The following PREX1 variants were observed in gnomAD, a reference collection of about 807,000 sequenced individuals.
PREX1 encodes phosphatidylinositol 3,4,5-trisphosphate-dependent Rac exchanger 1 protein.
In PREX1, 41 loss-of-function variants were observed where a neutral mutation model predicts 198.3. The observed-to-expected ratio is 0.21, with a 90% CI of 0.16 to 0.27. The LOEUF is 0.27. PREX1 is among the 10% of genes least tolerant of loss of function. The pLI is 1.00. For synonymous variants in PREX1, 843 were observed against 887.2 expected (o/e 0.95, Z 0.89); for missense variants, 1,620 against 2,200.7 (o/e 0.74, Z 5.28).
chr20:48,681,901 T>A (rs1470197965), intron 10 of PREX1, among the ~76,000 whole-genome samples: 1 of 151,402 alleles, frequency 6.6e-6, no homozygotes, highest in African/African-American at 2.4e-5. Flanking sequence ...ACAGAAGGAA[T>A]GGACAAACAT....
At chr20:48,770,951 T>C (rs950297462) in intron 1 of PREX1, among the ~76,000 whole-genome samples, 6 of 152,244 alleles carry the variant, frequency 3.9e-5, no homozygotes, top group South Asian at 2.1e-4. Context: ...GTTAACATGC[T>C]TCCCCAGGCA....
upstream of PREX1, among the ~76,000 whole-genome samples, chr20:48,831,193 ACT>A (rs1368143648): frequency 2.0e-5 from 3 of 151,992 alleles, no homozygotes; most frequent in African/African-American, 7.3e-5. Flanking sequence ...TACGAAGAAG[ACT>A]CTGTCTCCTC....
Position 48,827,186 on chromosome 20 carries a change from C to T in PREX1, c.219+456G>A, listed in dbSNP as rs117021318. On this transcript the variant is annotated intron_variant, in intron 1 of 39. Transcript: ENST00000371941. The surrounding 1 kb of genome is among the most constrained non-coding windows in gnomAD (Gnocchi z 4.1). Reference sequence around the variant, plus strand: ...CCTCCTCTGAGCTTCAGGTTTTATCCTACTCCATCAACGCGCAGGGACGTT... The same window carrying T: ...CCTCCTCTGAGCTTCAGGTTTTATCTTACTCCATCAACGCGCAGGGACGTT... Among the ~76,000 whole-genome samples, 152 of 152,276 alleles carry T rather than the reference C, an allele frequency of 1.0e-3. 3 individuals carry two copies. The East Asian group carries it at 0.021, about 21-fold the overall frequency.
At chr20:48,876,935 G>T in the PREX1 span, among the ~76,000 whole-genome samples, 2 of 152,102 alleles carry the variant, frequency 1.3e-5, no homozygotes, top group South Asian at 4.1e-4. Context: ...TCTTTCAGTT[G>T]TAAGTATTAG....
chr20:48,625,583 G>A lies in PREX1; in HGVS notation c.*302C>T. 1 of 356,140 alleles carries A rather than the reference G, an allele frequency of 2.8e-6. No individual in the cohort carries two copies. Among genetic ancestry groups the A allele is most frequent in the South Asian group, 6.0e-5 (1 of 16,794 alleles). 22.1% of individuals were successfully genotyped at this position (356,140 alleles called of 1,614,324 possible). ...CTCCATGACGTTCCCTTGGGTTCTG[G>A]GGACGCAGGAGCCGAAGGCCAGGCA... On this transcript the variant is annotated 3_prime_UTR_variant, in exon 40 of 40. Coordinates refer to ENST00000371941, the MANE Select transcript of PREX1 (RefSeq NM_020820.4).
At chr20:48,659,830 T>C in intron 16 of PREX1, 89 bp downstream of exon 16, 2 of 1,570,670 alleles carry the variant, frequency 1.3e-6, no homozygotes, top group Non-Finnish European at 1.7e-6. Context: ...CTGAGCCCCC[T>C]TCCCTGTGCA....
At chr20:48,704,002 C>A (rs867238553) in intron 6 of PREX1, among the ~76,000 whole-genome samples, 3 of 152,216 alleles carry the variant, frequency 2.0e-5, no homozygotes, top group South Asian at 4.1e-4. Flanking sequence ...CTCAGCCACG[C>A]TGGAGATGAC....
chr20:48,625,325 C>T lies in PREX1; in HGVS notation c.*560G>A, dbSNP rs1459053886. ...GGTGATGTCCAGAGCTGGTGTGGCT[C>T]TCGGGGATCCTCTGGTAACAGGCGT... On this transcript the variant is annotated 3_prime_UTR_variant, in exon 40 of 40. Coordinates refer to ENST00000371941, the MANE Select transcript of PREX1 (RefSeq NM_020820.4). 1 of 152,442 alleles carries T rather than the reference C, an allele frequency of 6.6e-6. No individual in the cohort carries two copies. Among genetic ancestry groups the T allele is most frequent in the Non-Finnish European group, 1.5e-5 (1 of 68,090 alleles). The allele number at this position is 152,442 out of a possible 1,614,324, so 9.4% of individuals were successfully genotyped here. A position where few individuals can be genotyped will look rare whatever the true frequency, so the allele number is the denominator to read the frequency against.
At chr20:48,819,043 G>C (rs909631803) in intron 1 of PREX1, among the ~76,000 whole-genome samples, 1 of 152,228 alleles carries the variant, frequency 6.6e-6, no homozygotes, top group Non-Finnish European at 1.5e-5. Context: ...GGAGCAGGCA[G>C]GGGATCTGCT....
chr20:48,775,223 C>A (rs1229402772), intron 1 of PREX1, among the ~76,000 whole-genome samples: 1 of 152,080 alleles, frequency 6.6e-6, no homozygotes, highest in Non-Finnish European at 1.5e-5. Context: ...CCTGCCCTCA[C>A]GGAGCTGATA....
At chr20:48,652,731 C>A in intron 20 of PREX1, 25 bp from the exon 21 acceptor site, 1 of 1,604,766 alleles carries the variant, frequency 6.2e-7, no homozygotes, top group South Asian at 1.1e-5. Flanking sequence ...AGTAAGGGGA[C>A]AGCCATGGTG....
At chr20:48,752,906 A>G (rs925282769) in intron 1 of PREX1, among the ~76,000 whole-genome samples, 2 of 152,206 alleles carry the variant, frequency 1.3e-5, no homozygotes, top group Non-Finnish European at 2.9e-5. Context: ...CACTTGTTTC[A>G]AACATCCTTA....
intron 6 of PREX1, among the ~76,000 whole-genome samples, chr20:48,707,097 C>T (rs529035925): frequency 4.9e-4 from 75 of 152,344 alleles, no homozygotes; most frequent in African/African-American, 6.3e-4. Flanking sequence ...ATGCATCTGA[C>T]GCACAGGAAG....
At position 48,666,744 on chromosome 20, in the gene PREX1, C is replaced by T. The variant is rs774303585; in HGVS notation, c.1666-389G>A. Among the ~76,000 whole-genome samples the T allele has an allele frequency of 6.6e-6, 1 of 152,142 alleles. No homozygotes were observed. Among genetic ancestry groups the T allele is most frequent in the African/African-American group, 2.4e-5 (1 of 41,424 alleles). ...GTTTCACTGTGTTAGCCAGGATGGT[C>T]TCAATCTCCTGACCTCGTGATCCGT... On this transcript the variant is annotated intron_variant, in intron 14 of 39. Transcript: ENST00000371941. The surrounding 1 kb of genome is among the most constrained non-coding windows in gnomAD (Gnocchi z 4.3).
Position 48,726,298 on chromosome 20 carries a change from G to A in PREX1, c.613C>T (p.Leu205Phe). ...ATACGGGAAAGTCTCACCTTAAGGA[G>A]GAGCGGGTACTTGCAGATCCTCTGG... ...PIQRICKYPL[L>F]LKELAKRTPG... Residue 205 changes from leucine (L) to phenylalanine (F), a missense_variant, in exon 5 of 40, where the codon CTC (leucine) becomes TTC (phenylalanine). Transcript: ENST00000371941. 1.2e-6 allele frequency: 2 copies of A among 1,613,426 alleles called. No individual in the cohort carries two copies. Among genetic ancestry groups the A allele is most frequent in the Non-Finnish European group, 1.7e-6 (2 of 1,179,590 alleles).
At chr20:48,857,334 T>C in the PREX1 span, among the ~76,000 whole-genome samples, 3 of 152,218 alleles carry the variant, frequency 2.0e-5, no homozygotes, top group South Asian at 4.1e-4. Context: ...CGGTATAAGA[T>C]AACATAATGA....
intron 1 of PREX1, among the ~76,000 whole-genome samples, chr20:48,826,752 G>T (rs866447682): frequency 6.6e-6 from 1 of 152,152 alleles, no homozygotes; most frequent in Middle Eastern, 3.2e-3. Context: ...CCAGCTACTC[G>T]GGAGGCTGAG....
At chr20:48,703,213 T>C (rs897153045) in intron 6 of PREX1, among the ~76,000 whole-genome samples, 1 of 152,202 alleles carries the variant, frequency 6.6e-6, no homozygotes, top group Non-Finnish European at 1.5e-5. Context: ...CGTGGTCCAG[T>C]TGGGTACAAC....
intron 1 of PREX1, among the ~76,000 whole-genome samples, chr20:48,787,197 G>T (rs577518574): frequency 6.6e-6 from 1 of 152,144 alleles, no homozygotes; most frequent in Non-Finnish European, 1.5e-5. Context: ...CCCTGAGGAG[G>T]CCTGGGGAGG....
Sources: gnomAD v4.1 joint callset for allele counts (sites outside exome capture counted in the v4.1 genomes callset) on GRCh38, gnomAD v4.1.1 for gene constraint, Gnocchi (gnomAD v3.1) non-coding constraint, MANE v1.5 for transcripts, NCBI Gene and HGNC (gene_info 2026-07-23, HGNC 2026-07-21) for gene names.